Variants in VPS13A observed in about 807,000 individuals in gnomAD.
The protein encoded by VPS13A is intermembrane lipid transfer protein VPS13A.
A neutral mutation model predicts 390.9 loss-of-function variants in VPS13A; 264 were observed. That is an observed-to-expected ratio of 0.68 (90% CI 0.61 to 0.75). The LOEUF is 0.75. Ranked by LOEUF, VPS13A falls within the 30% of genes least tolerant of loss-of-function variation. The pLI is 0.00. For synonymous variants in VPS13A, 1,231 were observed against 1,227.1 expected, an observed-to-expected ratio of 1.00 and a Z score of -0.07; for missense variants, 3,409 against 3,733.9, an observed-to-expected ratio of 0.91 and a Z score of 2.27.
chr9:77,204,035 TA>T (rs1467041221), intron 3 of VPS13A, among the ~76,000 whole-genome samples: 2 of 152,048 alleles, frequency 1.3e-5, no homozygotes, highest in African/African-American at 4.8e-5. Context: ...ACAAAAAATA[TA>T]AAAAAGAAAT....
At chr9:77,199,566 A>AT (rs1346958615) in intron 1 of VPS13A, among the ~76,000 whole-genome samples, 2 of 151,892 alleles carry the variant, frequency 1.3e-5, no homozygotes, top group Non-Finnish European at 2.9e-5. Flanking sequence ...GGGCTTACTG[A>AT]TTTTGCATTA....
intron 45 of VPS13A, among the ~76,000 whole-genome samples, chr9:77,331,658 A>C (rs1830281691): frequency 6.6e-6 from 1 of 151,914 alleles, no homozygotes; most frequent in African/African-American, 2.4e-5. Context: ...TTTATCATAT[A>C]AATATTTAAA....
At position 77,273,578 on chromosome 9, in the gene VPS13A, A is replaced by C. The variant is rs114659974; in HGVS notation, c.2512+214A>C. The stretch of plus-strand genomic sequence containing the variant: ...TCATATTTCATGGGTACATGCAAGA[A>C]GCTCAGGAATGAGTAACTCAAGGTG... On this transcript the variant is annotated intron_variant, in intron 24 of 71. Coordinates refer to ENST00000360280, the MANE Select transcript of VPS13A (RefSeq NM_033305.3). Among the ~76,000 whole-genome samples, 2,199 of 152,272 alleles carry C rather than the reference A, an allele frequency of 0.014. 51 individuals carry two copies. The highest frequency in any genetic ancestry group is 0.05 in the African/African-American group (2,081 of 41,550).
At chr9:77,316,153 A>G (rs900428132) in intron 38 of VPS13A, 21 bp from the exon 39 acceptor site, 32 of 1,417,494 alleles carry the variant, frequency 2.3e-5, no homozygotes, top group Non-Finnish European at 3.0e-5. Flanking sequence ...AAATATTTTA[A>G]TCTATTTTTA....
intron 19 of VPS13A, among the ~76,000 whole-genome samples, chr9:77,241,450 TC>T (rs1475694460): frequency 2.7e-4 from 41 of 151,572 alleles, no homozygotes; most frequent in African/African-American, 9.7e-4. Flanking sequence ...TTTTTTTTTT[TC>T]AGAGATCATA....
intron 19 of VPS13A, among the ~76,000 whole-genome samples, chr9:77,239,154 T>G (rs1748580080): frequency 6.6e-6 from 1 of 152,106 alleles, no homozygotes; most frequent in Non-Finnish European, 1.5e-5. Context: ...TAGATTTTTC[T>G]ATTTCTAATA....
intron 17 of VPS13A, among the ~76,000 whole-genome samples, chr9:77,237,064 A>G (rs1564653600): frequency 6.6e-6 from 1 of 151,532 alleles, no homozygotes; most frequent in Non-Finnish European, 1.5e-5. Context: ...TAATTTTTGT[A>G]TTTTTAGTAA....
At chr9:77,369,992 A>G (rs771543473) in intron 63 of VPS13A, among the ~76,000 whole-genome samples, 10 of 152,204 alleles carry the variant, frequency 6.6e-5, no homozygotes, top group Non-Finnish European at 1.0e-4. Flanking sequence ...TAAACTTACA[A>G]TATGGACCAA....
At chr9:77,268,291 G>C (rs1303170063) in intron 23 of VPS13A, among the ~76,000 whole-genome samples, 1 of 152,184 alleles carries the variant, frequency 6.6e-6, no homozygotes, top group Non-Finnish European at 1.5e-5. Flanking sequence ...GCACCCGAGG[G>C]AATCTCCTGG....
intron 31 of VPS13A, among the ~76,000 whole-genome samples, chr9:77,290,196 C>T (rs1179601581): frequency 6.6e-6 from 1 of 152,164 alleles, no homozygotes; most frequent in Non-Finnish European, 1.5e-5. Context: ...TTCTGAGTGA[C>T]ATTTTTGCTG....
chr9:77,399,195 A>AT (rs1563990876), intron 68 of VPS13A, among the ~76,000 whole-genome samples: 1 of 105,238 alleles, frequency 9.5e-6, no homozygotes, highest in Non-Finnish European at 2.0e-5. Flanking sequence ...AAAAAAAAAA[A>AT]AAAAAAAAAA....
intron 2 of VPS13A, among the ~76,000 whole-genome samples, chr9:77,201,100 T>C (rs942825960): frequency 3.3e-5 from 5 of 152,156 alleles, no homozygotes; most frequent in Non-Finnish European, 5.9e-5. Context: ...TGGTAATGAT[T>C]TGATATGAGT....
chr9:77,359,048 A>G (rs1407469146), intron 57 of VPS13A, among the ~76,000 whole-genome samples: 1 of 152,208 alleles, frequency 6.6e-6, no homozygotes, highest in African/African-American at 2.4e-5. Context: ...GGTCTGGAGC[A>G]AGTCCCCAGA....
chr9:77,366,853 G>A lies in VPS13A; in HGVS notation c.8452G>A (p.Val2818Ile). The A allele has an allele frequency of 9.9e-6, 16 of 1,612,928 alleles. No homozygotes were observed. The highest frequency in any genetic ancestry group is 1.4e-5 in the Non-Finnish European group (16 of 1,179,382). ...GAGTATTGGTGCCACACTGACAGAT[G>A]TACAAGATGTAGTTTTTAAGTATGT... The part of the protein sequence containing the change: ...LKSIGATLTD[V>I]QDVVFKLAFF... The change falls in exon 61 of 72, where the codon GTA becomes ATA. Residue 2818 changes from valine to isoleucine, a missense_variant. Val to Ile is a conservative substitution (Grantham distance 29, BLOSUM62 3). This residue lies in a region of VPS13A where 123 missense variants were observed against 118.7 expected (regional missense o/e 1.04). Coordinates refer to ENST00000360280, the MANE Select transcript of VPS13A (RefSeq NM_033305.3).
rs1827139750 is a variant in VPS13A, at chr9:77,283,214, T to C, written c.3119-141T>C. The C allele has an allele frequency of 1.0e-5, 6 of 600,146 alleles. No individual in the cohort carries two copies. In the South Asian group the frequency reaches 1.3e-4, roughly 13 times the overall value. 37.2% of individuals were successfully genotyped at this position (600,146 alleles called of 1,614,324 possible). A position where few individuals can be genotyped will look rare whatever the true frequency, so the allele number is the denominator to read the frequency against. Reference sequence around the variant, plus strand: ...ATTTTCAATTCAGTAGGGAATATCATACCTTGCTTTCAACTGAATTGCAGA... The same window carrying C: ...ATTTTCAATTCAGTAGGGAATATCACACCTTGCTTTCAACTGAATTGCAGA... On this transcript the variant is annotated intron_variant, in intron 29 of 71. Transcript: ENST00000360280.
At chr9:77,214,421 AAGT>A (rs1822735231) in intron 10 of VPS13A, 35 bp downstream of exon 10, 5 of 1,548,784 alleles carry the variant, frequency 3.2e-6, no homozygotes, top group African/African-American at 2.7e-5. Context: ...AAAGTAGTTA[AAGT>A]AATTGGTATA....
At chr9:77,223,495 T>G (rs1823336715) in intron 13 of VPS13A, among the ~76,000 whole-genome samples, 1 of 152,084 alleles carries the variant, frequency 6.6e-6, no homozygotes, top group Non-Finnish European at 1.5e-5. Flanking sequence ...AACACATGAA[T>G]GATAAGAAAG....
At chr9:77,302,672 C>T (rs1169967663) in intron 33 of VPS13A, among the ~76,000 whole-genome samples, 1 of 152,120 alleles carries the variant, frequency 6.6e-6, no homozygotes, top group African/African-American at 2.4e-5. Context: ...CTGTGCGTAG[C>T]TCTATTTCTG....
chr9:77,381,100 T>C (rs1833407493), intron 67 of VPS13A, among the ~76,000 whole-genome samples: 2 of 152,336 alleles, frequency 1.3e-5, no homozygotes, highest in South Asian at 4.1e-4. Flanking sequence ...ATGTTAAATA[T>C]AATACTACCA....
Sources: allele counts gnomAD v4.1 joint callset (sites outside exome capture counted in the v4.1 genomes callset), GRCh38; gene constraint gnomAD v4.1.1; regional missense constraint gnomAD v4.1.1; transcripts MANE v1.5; gene names NCBI Gene and HGNC (gene_info 2026-07-23, HGNC 2026-07-21).